Variants in RTN1 observed in about 807,000 individuals in gnomAD.
The protein encoded by RTN1 is reticulon-1.
In RTN1, 25 loss-of-function variants were observed where a neutral mutation model predicts 65.5. The observed-to-expected ratio is 0.38, with a 90% confidence interval of 0.28 to 0.53. The LOEUF (loss-of-function observed/expected upper bound fraction) is 0.53. Ranked by LOEUF, RTN1 falls within the 20% of genes least tolerant of loss-of-function variation. RTN1 has a pLI of 0.79. For missense variants in RTN1, 983 were observed against 1,025.4 expected, an observed-to-expected ratio of 0.96 and a Z score of 0.57; for synonymous variants, 471 against 447.6, an observed-to-expected ratio of 1.05 and a Z score of -0.66.
chr14:59,804,045 C>T (rs888812889), intron 1 of RTN1, among the ~76,000 whole-genome samples: 1 of 152,104 alleles, frequency 6.6e-6, no homozygotes, highest in African/African-American at 2.4e-5. Context: ...TTATTATGAA[C>T]TGAAGTCTAT....
At chr14:59,801,760 G>A (rs1456016856) in intron 1 of RTN1, among the ~76,000 whole-genome samples, 3 of 152,182 alleles carry the variant, frequency 2.0e-5, no homozygotes, top group Admixed American at 2.0e-4. Context: ...AGATTATAAC[G>A]CTATACATGA....
intron 3 of RTN1, among the ~76,000 whole-genome samples, chr14:59,679,536 G>C (rs2140220799): frequency 6.6e-6 from 1 of 152,242 alleles, no homozygotes; most frequent in South Asian, 2.1e-4. Flanking sequence ...CCTTTTAATG[G>C]TTATTAAAAA....
chr14:59,759,052 A>T (rs1885696470), intron 1 of RTN1, among the ~76,000 whole-genome samples: 1 of 152,202 alleles, frequency 6.6e-6, no homozygotes, highest in Non-Finnish European at 1.5e-5. Context: ...GCTGATGGAT[A>T]ATAATGGGAG....
chr14:59,757,143 G>C (rs890532181), intron 1 of RTN1, among the ~76,000 whole-genome samples: 2 of 152,150 alleles, frequency 1.3e-5, no homozygotes, highest in Admixed American at 1.3e-4. Flanking sequence ...AAATTCCTGT[G>C]TTAATATCCT....
chr14:59,701,516 C>T (rs1884177167), intron 3 of RTN1, among the ~76,000 whole-genome samples: 1 of 152,108 alleles, frequency 6.6e-6, no homozygotes, highest in African/African-American at 2.4e-5. Context: ...CTGATACATG[C>T]TATAACATGG....
At chr14:59,680,574 C>G (rs1028913378) in intron 3 of RTN1, among the ~76,000 whole-genome samples, 2 of 152,126 alleles carry the variant, frequency 1.3e-5, no homozygotes, top group Non-Finnish European at 2.9e-5. Flanking sequence ...TTAGTGTGTC[C>G]AGGCATTGCC....
chr14:59,713,931 T>G (rs188006333), intron 3 of RTN1, among the ~76,000 whole-genome samples: 1 of 152,262 alleles, frequency 6.6e-6, no homozygotes, highest in African/African-American at 2.4e-5. Flanking sequence ...TATAAAATTA[T>G]GCTTATAAAA....
intron 1 of RTN1, among the ~76,000 whole-genome samples, chr14:59,801,670 G>A (rs1182057543): frequency 6.6e-6 from 1 of 152,020 alleles, no homozygotes; most frequent in Non-Finnish European, 1.5e-5. Context: ...ACAGATAACT[G>A]GCTGAAGGAA....
intron 1 of RTN1, among the ~76,000 whole-genome samples, chr14:59,863,482 T>C (rs138289647): frequency 2.0e-5 from 3 of 152,278 alleles, no homozygotes; most frequent in African/African-American, 2.4e-5. Flanking sequence ...TCTTGACATA[T>C]ATTTATCTTT....
intron 1 of RTN1, among the ~76,000 whole-genome samples, chr14:59,866,343 A>G (rs1887797377): frequency 6.6e-6 from 1 of 152,152 alleles, no homozygotes; most frequent in South Asian, 2.1e-4. Context: ...CCAGGGATAG[A>G]CAATAAAATG....
chr14:59,797,322 T>C (rs545997424), intron 1 of RTN1, among the ~76,000 whole-genome samples: 32 of 152,308 alleles, frequency 2.1e-4, no homozygotes, highest in Middle Eastern at 3.4e-3. Context: ...GTTTCCCTAA[T>C]TCCAGTGGGT....
chr14:59,863,568 T>C (rs2139677940), intron 1 of RTN1, among the ~76,000 whole-genome samples: 1 of 152,314 alleles, frequency 6.6e-6, no homozygotes, highest in East Asian at 1.9e-4. Flanking sequence ...CCTCTGTATA[T>C]TTGAGTGACC....
At chr14:59,762,903 C>T (rs942096571) in intron 1 of RTN1, among the ~76,000 whole-genome samples, 2 of 152,202 alleles carry the variant, frequency 1.3e-5, no homozygotes, top group South Asian at 2.1e-4. Context: ...GTATGCCTTG[C>T]CTTCTTGTTC....
At chr14:59,791,814 T>G (rs1200931775) in intron 1 of RTN1, among the ~76,000 whole-genome samples, 3 of 152,208 alleles carry the variant, frequency 2.0e-5, no homozygotes, top group Non-Finnish European at 4.4e-5. Context: ...CCTCTCAGCT[T>G]TCTTTCCACC....
At chr14:59,769,342 T>C (rs1031511311) in intron 1 of RTN1, among the ~76,000 whole-genome samples, 1 of 152,192 alleles carries the variant, frequency 6.6e-6, no homozygotes, top group Non-Finnish European at 1.5e-5. Flanking sequence ...AAAGTATCAA[T>C]GCATAGCAAG....
chr14:59,842,146 A>G (rs1348412471), intron 1 of RTN1, among the ~76,000 whole-genome samples: 1 of 139,576 alleles, frequency 7.2e-6, no homozygotes, highest in African/African-American at 2.9e-5. Flanking sequence ...TTTAAAAAAG[A>G]AAAAAAAAAA....
chr14:59,834,356 T>C (rs553095078), intron 1 of RTN1, among the ~76,000 whole-genome samples: 1 of 152,136 alleles, frequency 6.6e-6, no homozygotes, highest in Non-Finnish European at 1.5e-5. Flanking sequence ...AATGAACTGA[T>C]AAATTGGACT....
At chr14:59,698,563 T>C (rs1884111801) in intron 3 of RTN1, among the ~76,000 whole-genome samples, 1 of 152,070 alleles carries the variant, frequency 6.6e-6, no homozygotes, top group South Asian at 2.1e-4. Context: ...ATGAGATCTG[T>C]TGGTTTTAAA....
At position 59,630,615 on chromosome 14, in the gene RTN1, G is replaced by C. The variant is rs1220641035; in HGVS notation, c.1766-23123C>G. 6 of 1,570,274 alleles carry C rather than the reference G, an allele frequency of 3.8e-6. No individual in the cohort carries two copies. In the African/African-American group the frequency reaches 4.1e-5, roughly 11 times the overall value. The stretch of plus-strand genomic sequence containing the variant: ...GGGCTCGCAGTGGCCGCGCGGCTGC[G>C]GAGAGACTGAGGCTGCACCAGGCGG... On this transcript the variant is annotated intron_variant, in intron 3 of 8. Transcript: ENST00000267484.
Sources: allele counts gnomAD v4.1 joint callset (sites outside exome capture counted in the v4.1 genomes callset), GRCh38; gene constraint gnomAD v4.1.1; transcripts MANE v1.5; gene names NCBI Gene and HGNC (gene_info 2026-07-23, HGNC 2026-07-21).